Variants in DAB2IP observed in about 807,000 individuals in gnomAD.
The protein encoded by DAB2IP is disabled homolog 2-interacting protein.
A neutral mutation model predicts 107.2 loss-of-function variants in DAB2IP; 28 were observed. The observed-to-expected ratio is 0.26, with a 90% CI of 0.19 to 0.36. The LOEUF (loss-of-function observed/expected upper bound fraction) is 0.36. Ranked by LOEUF, DAB2IP falls within the 10% of genes least tolerant of loss-of-function variation. The pLI, the probability that DAB2IP is intolerant of heterozygous loss-of-function variation, is 1.00. For missense variants in DAB2IP, 1,400 were observed against 1,644.7 expected (o/e 0.85, Z 2.57); for synonymous variants, 755 against 706.4 (o/e 1.07, Z -1.09).
intron 2 of DAB2IP, among the ~76,000 whole-genome samples, chr9:121,696,639 G>A (rs550824941): frequency 1.2e-4 from 18 of 152,244 alleles, no homozygotes; most frequent in Admixed American, 3.3e-4. Flanking sequence ...TGGAGTCCAC[G>A]GTCCTTGATT....
chr9:121,759,892 G>A, exon 6 of DAB2IP: 1 of 1,612,682 alleles, frequency 6.2e-7, no homozygotes, highest in Non-Finnish European at 8.5e-7. Flanking sequence ...CAGGACAACA[G>A]CCGGCGTGTG....
At chr9:121,663,863 T>C (rs1393873359) in intron 1 of DAB2IP, among the ~76,000 whole-genome samples, 1 of 152,242 alleles carries the variant, frequency 6.6e-6, no homozygotes, top group Non-Finnish European at 1.5e-5. Context: ...ACAGTGCCAT[T>C]CCTTTCCCAC....
intron 3 of DAB2IP, among the ~76,000 whole-genome samples, chr9:121,729,928 C>G (rs1480938816): frequency 4.6e-5 from 7 of 152,162 alleles, no homozygotes; most frequent in African/African-American, 1.7e-4. Flanking sequence ...CCCTGGAAGG[C>G]TCCTCCCAGC....
rs754443163 is a variant in DAB2IP, at chr9:121,651,774, G to A, written c.-2G>A. 7.3e-6 allele frequency: 10 copies of A among 1,370,694 alleles called. No homozygotes were observed. The South Asian group carries it at 1.5e-4, about 20-fold the overall frequency. 84.9% of individuals were successfully genotyped at this position (1,370,694 alleles called of 1,614,324 possible). On this transcript the variant is annotated 5_prime_UTR_variant, in exon 1 of 16. Transcript: ENST00000408936. The surrounding 1 kb of genome is among the most constrained non-coding windows in gnomAD (Gnocchi z 5.1). ...CCGGCCCGGTGCCCGGCGGGCGGCAGCATGTCCGCGGGCGGCAGCGCCAGG... is the reference window on the plus strand; with the variant it reads ...CCGGCCCGGTGCCCGGCGGGCGGCAACATGTCCGCGGGCGGCAGCGCCAGG...
intron 12 of DAB2IP, 141 bp from the exon 13 acceptor site, chr9:121,774,119 G>A (rs575212072): frequency 1.3e-4 from 122 of 975,258 alleles, no homozygotes; most frequent in Middle Eastern, 3.3e-4. Flanking sequence ...GACTGCCTCG[G>A]TAGGCGCTCA....
chr9:121,760,076 C>T lies in DAB2IP; in HGVS notation c.807C>T (p.Arg269=). The change falls in exon 6 of 16, where the codon CGC becomes CGT. Residue 269 remains arginine, a synonymous_variant. Transcript: ENST00000408936. The surrounding 1 kb of genome is among the most constrained non-coding windows in gnomAD (Gnocchi z 5.9). ...AGTTCCACAACTTGCCGCCTCTGCG[C>T]ACGGTCACTGTCCACCTGTACCGGG... 6.2e-7 allele frequency: 1 copy of T among 1,614,068 alleles called. No homozygotes were observed. The highest frequency in any genetic ancestry group is 8.5e-7 in the Non-Finnish European group (1 of 1,180,038).
chr9:121,582,088 T>A (rs1379234172), intron 1 of DAB2IP, among the ~76,000 whole-genome samples: 1 of 152,106 alleles, frequency 6.6e-6, no homozygotes, highest in Non-Finnish European at 1.5e-5. Flanking sequence ...CAAGAGGGGC[T>A]GCAGGGCTGG....
chr9:121,678,692 AG>A lies in DAB2IP; in HGVS notation c.141del (p.Arg47SerfsTer78). ...TCTGTTGGCAGAGTCGCCTCAAGAA[AG>A]GCCGGGCTCTCGGCGCAGCCTGCCT... On this transcript the variant is annotated frameshift_variant, in exon 2 of 16. Transcript: ENST00000408936. LOFTEE classifies it high-confidence loss of function. The A allele has an allele frequency of 6.4e-7, 1 of 1,573,372 alleles. No individual in the cohort carries two copies. Among genetic ancestry groups the A allele is most frequent in the Non-Finnish European group, 8.6e-7 (1 of 1,156,790 alleles).
chr9:121,627,410 G>A (rs186495946), intron 1 of DAB2IP, among the ~76,000 whole-genome samples: 4 of 151,236 alleles, frequency 2.6e-5, no homozygotes, highest in Non-Finnish European at 4.4e-5. Context: ...GCTTCAAACC[G>A]GAGTGCATAA....
At position 121,763,492 on chromosome 9, in the gene DAB2IP, C is replaced by T. The variant is rs1834046189; in HGVS notation, c.1171-13C>T. The T allele has an allele frequency of 3.1e-6, 5 of 1,607,296 alleles. No homozygotes were observed. The African/African-American group carries it at 6.7e-5, about 21-fold the overall frequency. ...AGCTCAGGTCCTGCTCTCTCCACCT[C>T]CTGCCTCCCCAGGACTTCCTGACAG... On this transcript the variant is annotated splice_polypyrimidine_tract_variant and intron_variant, in intron 6 of 15. Transcript: ENST00000408936.
intron 1 of DAB2IP, among the ~76,000 whole-genome samples, chr9:121,595,585 A>G (rs1286191460): frequency 5.5e-5 from 8 of 145,878 alleles, no homozygotes; most frequent in Non-Finnish European, 7.6e-5. Context: ...CCTGGTTGAA[A>G]GAGAGAGGTG....
At chr9:121,768,330 C>G in intron 9 of DAB2IP, 102 bp from the exon 10 acceptor site, 1 of 1,267,276 alleles carries the variant, frequency 7.9e-7, no homozygotes. Flanking sequence ...GAGTGGGAGC[C>G]TGCCATAGTG....
intron 1 of DAB2IP, among the ~76,000 whole-genome samples, chr9:121,630,388 G>A (rs992461342): frequency 6.6e-6 from 1 of 151,894 alleles, no homozygotes; most frequent in African/African-American, 2.4e-5. Flanking sequence ...AGCCAGGCAT[G>A]GTGGCAGGTG....
At chr9:121,771,947 T>C (rs1587999756) in intron 11 of DAB2IP, among the ~76,000 whole-genome samples, 1 of 151,750 alleles carries the variant, frequency 6.6e-6, no homozygotes, top group South Asian at 2.1e-4. Context: ...AGGAGCTAGC[T>C]TCTGGGGAGG....
chr9:121,749,265 T>C (rs1832934954), intron 3 of DAB2IP, among the ~76,000 whole-genome samples: 1 of 152,216 alleles, frequency 6.6e-6, no homozygotes, highest in Admixed American at 6.5e-5. Context: ...GCTGCCCTGT[T>C]TATGTCCTGC....
At chr9:121,658,566 G>A (rs1833065350) in intron 1 of DAB2IP, among the ~76,000 whole-genome samples, 1 of 152,142 alleles carries the variant, frequency 6.6e-6, no homozygotes, top group Admixed American at 6.5e-5. Context: ...ATCTGAAATT[G>A]GCCCATGTGG....
intron 1 of DAB2IP, among the ~76,000 whole-genome samples, chr9:121,636,484 G>A (rs1028768496): frequency 4.6e-5 from 7 of 152,218 alleles, no homozygotes; most frequent in African/African-American, 1.4e-4. Flanking sequence ...AGGAGAGGCG[G>A]GAGGCCTGGC....
At chr9:121,665,582 T>C (rs1417344084) in intron 1 of DAB2IP, among the ~76,000 whole-genome samples, 2 of 151,996 alleles carry the variant, frequency 1.3e-5, no homozygotes. Flanking sequence ...ATACACAGAG[T>C]GTGGAGTGAC....
intron 3 of DAB2IP, among the ~76,000 whole-genome samples, chr9:121,731,101 C>T (rs1831510345): frequency 6.6e-6 from 1 of 152,240 alleles, no homozygotes; most frequent in South Asian, 2.1e-4. Flanking sequence ...GGACACTTTT[C>T]ACCACATCTT....
Sources: gnomAD v4.1 joint callset for allele counts (sites outside exome capture counted in the v4.1 genomes callset) on GRCh38, gnomAD v4.1.1 for gene constraint, Gnocchi (gnomAD v3.1) non-coding constraint, MANE v1.5 for transcripts, NCBI Gene and HGNC (gene_info 2026-07-23, HGNC 2026-07-21) for gene names.